Variants in HSBP1 observed in about 807,000 individuals in gnomAD.
HSBP1 encodes the protein heat shock factor-binding protein 1.
HSBP1 carries 5 observed loss-of-function variants against 9.6 expected under a neutral mutation model. The observed-to-expected ratio is 0.52, with a 90% confidence interval of 0.27 to 1.09. HSBP1 has a LOEUF of 1.09. Among genes scored for constraint, HSBP1 ranks in the 50% least tolerant of loss-of-function variants. The pLI, the probability that HSBP1 is intolerant of heterozygous loss-of-function variation, is 0.11. For synonymous variants in HSBP1, 42 were observed against 33.3 expected, an observed-to-expected ratio of 1.26 and a Z score of -0.90; for missense variants, 121 against 96.3, an observed-to-expected ratio of 1.26 and a Z score of -1.07.
Position 83,818,139 on chromosome 16 carries a change from C to A in HSBP1, c.*6721C>A, listed in dbSNP as rs549232626. ...GGCACTGGGTCTGTGAGCCCTCATC[C>A]CCAGGGCTCGGTTTCCTATCAGAAT... On this transcript the variant is annotated 3_prime_UTR_variant, in exon 4 of 4. Transcript: ENST00000433866. 1.3e-5 allele frequency: 2 copies of A among 152,272 alleles called. No homozygotes were observed. 9.4% of individuals were successfully genotyped at this position (152,272 alleles called of 1,614,324 possible). A position where few individuals can be genotyped will look rare whatever the true frequency, so the allele number is the denominator to read the frequency against.
intron 1 of HSBP1, 104 bp downstream of exon 1, chr16:83,808,225 G>A: frequency 1.0e-6 from 1 of 983,666 alleles, no homozygotes; most frequent in Non-Finnish European, 1.5e-6. Flanking sequence ...CGTGGCGTCT[G>A]CCGAGGCCCC....
At position 83,813,362 on chromosome 16, in the gene HSBP1, TG is replaced by T. The variant is rs918952794; in HGVS notation, c.*1945del. The T allele has an allele frequency of 1.3e-5, 2 of 152,542 alleles. No homozygotes were observed. The highest frequency in any genetic ancestry group is 4.8e-5 in the African/African-American group (2 of 41,486). The allele number at this position is 152,542 out of a possible 1,614,324, so 9.4% of individuals were successfully genotyped here. ...AGAACTCAGCTTTAACCTGCTCACC[TG>T]CTAGTTTTCGAGGTCTCGCTCTGTT... On this transcript the variant is annotated 3_prime_UTR_variant, in exon 4 of 4. Coordinates refer to ENST00000433866, the MANE Select transcript of HSBP1 (RefSeq NM_001537.4).
In HSBP1 at chr16:83,817,919, C is replaced by T. The variant is rs928485334; in HGVS notation, c.*6501C>T. On this transcript the variant is annotated 3_prime_UTR_variant, in exon 4 of 4. Coordinates refer to ENST00000433866, the MANE Select transcript of HSBP1 (RefSeq NM_001537.4). ...GTCCAGGAAATGCTGCAAAACAATG[C>T]CCTCAAAAGAAATCAGCCTTTCCCT... 1.3e-5 allele frequency: 2 copies of T among 152,148 alleles called. No individual in the cohort carries two copies. Among genetic ancestry groups the T allele is most frequent in the African/African-American group, 2.4e-5 (1 of 41,428 alleles). 9.4% of individuals were successfully genotyped at this position (152,148 alleles called of 1,614,324 possible).
At chr16:83,809,847 T>A (rs1402882930) in intron 3 of HSBP1, among the ~76,000 whole-genome samples, 1 of 152,138 alleles carries the variant, frequency 6.6e-6, no homozygotes, top group East Asian at 1.9e-4. Flanking sequence ...TGTAGATCAG[T>A]TCCCAGCCAT....
intron 1 of HSBP1, chr16:83,808,355 T>C: frequency 1.8e-6 from 1 of 550,566 alleles, no homozygotes; most frequent in South Asian, 2.3e-5. Context: ...CCCATTCATC[T>C]GTCGCGAACG....
rs1904742075 is a variant in HSBP1 at position 83,817,273 on chromosome 16, C to T, written c.*5855C>T. 6.6e-6 allele frequency: 1 copy of T among 152,248 alleles called. No homozygotes were observed. Among genetic ancestry groups the T allele is most frequent in the Non-Finnish European group, 1.5e-5 (1 of 68,044 alleles). 9.4% of individuals were successfully genotyped at this position (152,248 alleles called of 1,614,324 possible). A position where few individuals can be genotyped will look rare whatever the true frequency, so the allele number is the denominator to read the frequency against. Reference sequence around the variant, plus strand: ...ACACGTCCAACTTGGACAATCAGGGCTTTGACCCCCGTTACCTGGCATTCA... The same window carrying T: ...ACACGTCCAACTTGGACAATCAGGGTTTTGACCCCCGTTACCTGGCATTCA... On this transcript the variant is annotated 3_prime_UTR_variant, in exon 4 of 4. Transcript: ENST00000433866.
rs1376397582 is a variant in HSBP1, at chr16:83,812,706, A to G, written c.*1288A>G. ...ATAAAATGAATTCACCACTCTGGTTACCCAACTACAGAACCTCCTTTGATC... is the reference window on the plus strand; with the variant it reads ...ATAAAATGAATTCACCACTCTGGTTGCCCAACTACAGAACCTCCTTTGATC... On this transcript the variant is annotated 3_prime_UTR_variant, in exon 4 of 4. Transcript: ENST00000433866. The G allele has an allele frequency of 1.3e-5, 2 of 152,208 alleles. No homozygotes were observed. Among genetic ancestry groups the G allele is most frequent in the African/African-American group, 4.8e-5 (2 of 41,444 alleles). The allele number at this position is 152,208 out of a possible 1,614,324, so 9.4% of individuals were successfully genotyped here. A position where few individuals can be genotyped will look rare whatever the true frequency, so the allele number is the denominator to read the frequency against.
rs914136461 is a variant in HSBP1 at position 83,819,038 on chromosome 16, A to G, written c.*7620A>G. Reference sequence around the variant, plus strand: ...GAGGTCCAGCAGCCTGGGTTTTAACACATCCTCCAGGCGATTCTGAGAGTG... The same window carrying G: ...GAGGTCCAGCAGCCTGGGTTTTAACGCATCCTCCAGGCGATTCTGAGAGTG... On this transcript the variant is annotated 3_prime_UTR_variant, in exon 4 of 4. Transcript: ENST00000433866. 1.3e-5 allele frequency: 2 copies of G among 152,056 alleles called. No homozygotes were observed. The highest frequency in any genetic ancestry group is 2.9e-5 in the Non-Finnish European group (2 of 68,024). The allele number at this position is 152,056 out of a possible 1,614,324, so 9.4% of individuals were successfully genotyped here. A position where few individuals can be genotyped will look rare whatever the true frequency, so the allele number is the denominator to read the frequency against.
intron 2 of HSBP1, 196 bp from the exon 3 acceptor site, chr16:83,809,109 G>T: frequency 1.8e-6 from 1 of 561,266 alleles, no homozygotes; most frequent in Non-Finnish European, 3.2e-6. Flanking sequence ...TCACTAGTAA[G>T]GGTCAGGGCT....
rs1262713487 is a variant in HSBP1, at chr16:83,819,607, G to C, written c.*8189G>C. Reference sequence around the variant, plus strand: ...CATTTCAACTCTTAAGCCACAAAAGGATATCCAATCATTTAAAGCTTCCTG... The same window carrying C: ...CATTTCAACTCTTAAGCCACAAAAGCATATCCAATCATTTAAAGCTTCCTG... On this transcript the variant is annotated 3_prime_UTR_variant, in exon 4 of 4. Coordinates refer to ENST00000433866, the MANE Select transcript of HSBP1 (RefSeq NM_001537.4). 6.6e-6 allele frequency: 1 copy of C among 152,086 alleles called. No individual in the cohort carries two copies. The highest frequency in any genetic ancestry group is 1.5e-5 in the Non-Finnish European group (1 of 68,022). The allele number at this position is 152,086 out of a possible 1,614,324, so 9.4% of individuals were successfully genotyped here.
chr16:83,808,273 C>A, intron 1 of HSBP1, 152 bp downstream of exon 1: 1 of 687,596 alleles, frequency 1.5e-6, no homozygotes, highest in South Asian at 1.9e-5. Flanking sequence ...TCCCGGCCAC[C>A]TTGACCCCCG....
chr16:83,809,462 C>CTTTTTTTTTTTT (rs34576085), intron 3 of HSBP1, 37 bp downstream of exon 3: 8 of 408,406 alleles, frequency 2.0e-5, no homozygotes, highest in Admixed American at 5.0e-5. Context: ...CTTTTCTTTT[C>CTTTTTTTTTTTT]TTTTTTTTTT....
At position 83,809,305 on chromosome 16, in the gene HSBP1, TTGA is replaced by T. The variant is rs1480308947; in HGVS notation, c.118_120del (p.Asp40del). On this transcript the variant is annotated inframe_deletion and splice_region_variant, in exon 3 of 4. Transcript: ENST00000433866. ...CACGCGTTGTCTTTAACTTCAGCAC[TTGA>T]TGATATGAGTAGTCGCATTGATGAT... The T allele has an allele frequency of 1.3e-6, 2 of 1,574,224 alleles. No homozygotes were observed. The highest frequency in any genetic ancestry group is 1.3e-5 in the African/African-American group (1 of 74,128).
rs769806302 is a variant in HSBP1 at position 83,817,011 on chromosome 16, T to G, written c.*5593T>G. 6.6e-6 allele frequency: 1 copy of G among 152,242 alleles called. No homozygotes were observed. Among genetic ancestry groups the G allele is most frequent in the Non-Finnish European group, 1.5e-5 (1 of 68,048 alleles). The allele number at this position is 152,242 out of a possible 1,614,324, so 9.4% of individuals were successfully genotyped here. On this transcript the variant is annotated 3_prime_UTR_variant, in exon 4 of 4. Transcript: ENST00000433866. The stretch of plus-strand genomic sequence containing the variant: ...AATCGGAATTAGCTGACTGTCAACC[T>G]TGGTGGCACATTAGAATCACCTGGG...
chr16:83,810,345 C>T (rs1024628769), intron 3 of HSBP1, among the ~76,000 whole-genome samples: 2 of 152,030 alleles, frequency 1.3e-5, no homozygotes, highest in Non-Finnish European at 2.9e-5. Flanking sequence ...CAGCAGAGTG[C>T]ATGGTGATCC....
In HSBP1 at chr16:83,809,383, T is replaced by C; in HGVS notation, c.191T>C (p.Leu64Pro). 3 of 1,603,984 alleles carry C rather than the reference T, an allele frequency of 1.9e-6. No individual in the cohort carries two copies. The highest frequency in any genetic ancestry group is 2.6e-6 in the Non-Finnish European group (3 of 1,175,604). The change falls in exon 3 of 4, where the codon CTG (leucine) becomes CCG (proline). Residue 64 changes from leucine (L) to proline (P), a missense_variant. Transcript: ENST00000433866. ...ATGACACAGGCTGGGGTGGAAGAAC[T>C]GGAAAGTGAAAACAAGATACCTGCC... The part of the protein sequence containing the change: ...DLMTQAGVEE[L>P]ESENKIPATQ...
Position 83,818,693 on chromosome 16 carries a change from A to C in HSBP1, c.*7275A>C, listed in dbSNP as rs1164554492. 1 of 151,986 alleles carries C rather than the reference A, an allele frequency of 6.6e-6. No homozygotes were observed. Among genetic ancestry groups the C allele is most frequent in the Non-Finnish European group, 1.5e-5 (1 of 68,014 alleles). The allele number at this position is 151,986 out of a possible 1,614,324, so 9.4% of individuals were successfully genotyped here. ...CTCTTCGTAACCCCTTCAGCAGACGACCCTGTATCTGGTCTTGGTTCTGAA... is the reference window on the plus strand; with the variant it reads ...CTCTTCGTAACCCCTTCAGCAGACGCCCCTGTATCTGGTCTTGGTTCTGAA... On this transcript the variant is annotated 3_prime_UTR_variant, in exon 4 of 4. Coordinates refer to ENST00000433866, the MANE Select transcript of HSBP1 (RefSeq NM_001537.4).
At position 83,818,006 on chromosome 16, in the gene HSBP1, T is replaced by C. The variant is rs1904759613; in HGVS notation, c.*6588T>C. 2.0e-5 allele frequency: 3 copies of C among 152,214 alleles called. No homozygotes were observed. In the South Asian group the frequency reaches 6.2e-4, roughly 32 times the overall value. 9.4% of individuals were successfully genotyped at this position (152,214 alleles called of 1,614,324 possible). ...CGCCTCAATTAGAACCTGTGTTCGC[T>C]GGGGCCATAATTAAGAATCTTAAAG... is the stretch of plus-strand genomic sequence containing the variant. On this transcript the variant is annotated 3_prime_UTR_variant, in exon 4 of 4. Transcript: ENST00000433866.
In HSBP1 at chr16:83,819,283, T is replaced by C. The variant is rs1469447736; in HGVS notation, c.*7865T>C. ...TATTTTTAATAAATTCCCTCATTTA[T>C]TATTTTTGTGTCTTATTTCCCATAC... On this transcript the variant is annotated 3_prime_UTR_variant, in exon 4 of 4. Coordinates refer to ENST00000433866, the MANE Select transcript of HSBP1 (RefSeq NM_001537.4). 1 of 152,238 alleles carries C rather than the reference T, an allele frequency of 6.6e-6. No homozygotes were observed. Among genetic ancestry groups the C allele is most frequent in the Non-Finnish European group, 1.5e-5 (1 of 68,048 alleles). 9.4% of individuals were successfully genotyped at this position (152,238 alleles called of 1,614,324 possible). A position where few individuals can be genotyped will look rare whatever the true frequency, so the allele number is the denominator to read the frequency against.
Sources: allele counts gnomAD v4.1 joint callset (sites outside exome capture counted in the v4.1 genomes callset), GRCh38; gene constraint gnomAD v4.1.1; transcripts MANE v1.5; gene names NCBI Gene and HGNC (gene_info 2026-07-23, HGNC 2026-07-21).